CNTNAP3: variants seen among roughly 807,000 people sequenced by gnomAD.
CNTNAP3 encodes the protein contactin-associated protein-like 3.
Under a neutral mutation model 92.1 loss-of-function variants are expected in CNTNAP3, and 36 were observed. That is an observed-to-expected ratio of 0.39 (90% CI 0.30 to 0.52). The LOEUF is 0.52. Among genes scored for constraint, CNTNAP3 ranks in the 20% least tolerant of loss-of-function variants. The pLI is 0.76. For missense variants in CNTNAP3, 534 were observed against 1,069.6 expected (o/e 0.50, Z 6.98); for synonymous variants, 232 against 422.3 (o/e 0.55, Z 5.53).
At chr9:39,106,913 T>C (rs1436348905) in intron 15 of CNTNAP3, among the ~76,000 whole-genome samples, 1 of 152,102 alleles carries the variant, frequency 6.6e-6, no homozygotes, top group Non-Finnish European at 1.5e-5. Flanking sequence ...TTCTTGAAGA[T>C]AAAACGGCAC....
intron 13 of CNTNAP3, among the ~76,000 whole-genome samples, chr9:39,119,211 A>C (rs886669557): frequency 6.6e-6 from 1 of 152,178 alleles, no homozygotes; most frequent in African/African-American, 2.4e-5. Context: ...TTCAAATTTC[A>C]ATAGGTTGTT....
chr9:39,113,690 G>A (rs1020948627), intron 14 of CNTNAP3, among the ~76,000 whole-genome samples: 1 of 151,814 alleles, frequency 6.6e-6, no homozygotes. Flanking sequence ...TTACAGTTAA[G>A]AATATAGTTT....
rs1987942534 is a variant in CNTNAP3 at position 39,067,651 on chromosome 9, C to T, written c.*6239G>A. The stretch of plus-strand genomic sequence containing the variant: ...GACCTCGTGATCTGCCTGCCTCGAC[C>T]TCCCAAAGTGCTGGGATTACAGGCA... On this transcript the variant is annotated 3_prime_UTR_variant, in exon 24 of 24. Transcript: ENST00000297668. Among the ~76,000 whole-genome samples the T allele has an allele frequency of 6.6e-6, 1 of 152,310 alleles. No homozygotes were observed. The highest frequency in any genetic ancestry group is 2.1e-4 in the South Asian group (1 of 4,838).
intron 18 of CNTNAP3, among the ~76,000 whole-genome samples, chr9:39,094,429 C>A (rs1315926189): frequency 1.3e-5 from 2 of 151,662 alleles, no homozygotes; most frequent in Admixed American, 6.6e-5. Flanking sequence ...TTTTAAAAAA[C>A]CACTGCCAAA....
At chr9:39,117,454 A>G (rs1166338669) in intron 14 of CNTNAP3, among the ~76,000 whole-genome samples, 1 of 152,178 alleles carries the variant, frequency 6.6e-6, no homozygotes, top group Non-Finnish European at 1.5e-5. Flanking sequence ...AGAACTTCTG[A>G]AAAAAAGGCA....
intron 10 of CNTNAP3, among the ~76,000 whole-genome samples, chr9:39,149,494 T>C (rs1821787719): frequency 1.3e-5 from 2 of 150,752 alleles, no homozygotes; most frequent in South Asian, 2.1e-4. Flanking sequence ...GGACTACAGG[T>C]GGCCGCCACC....
intron 11 of CNTNAP3, among the ~76,000 whole-genome samples, chr9:39,143,924 T>C (rs1821636506): frequency 6.6e-6 from 1 of 152,206 alleles, no homozygotes; most frequent in Non-Finnish European, 1.5e-5. Context: ...ACTCAAGTAA[T>C]GGAACAAGCT....
chr9:39,127,709 A>G (rs182783585), intron 13 of CNTNAP3, among the ~76,000 whole-genome samples: 149 of 152,308 alleles, frequency 9.8e-4, no homozygotes, highest in African/African-American at 3.5e-3. Flanking sequence ...ACCACAATTC[A>G]CCTAACATTA....
Position 39,068,173 on chromosome 9 carries a change from G to A in CNTNAP3, c.*5717C>T, listed in dbSNP as rs1332070576. Among the ~76,000 whole-genome samples, 32 of 152,082 alleles carry A rather than the reference G, an allele frequency of 2.1e-4. No homozygotes were observed. The highest frequency in any genetic ancestry group is 4.1e-4 in the Non-Finnish European group (28 of 67,926). On this transcript the variant is annotated 3_prime_UTR_variant, in exon 24 of 24. Coordinates refer to ENST00000297668, the MANE Select transcript of CNTNAP3 (RefSeq NM_033655.5). ...CCAGCGCTTTAGGAGGCTGAGGTGGGCAGATCATGAGATCCAGAGATCGAG... is the reference window on the plus strand; with the variant it reads ...CCAGCGCTTTAGGAGGCTGAGGTGGACAGATCATGAGATCCAGAGATCGAG...
chr9:39,142,964 T>G (rs1158438757), intron 11 of CNTNAP3, among the ~76,000 whole-genome samples: 1 of 152,008 alleles, frequency 6.6e-6, no homozygotes, highest in African/African-American at 2.4e-5. Flanking sequence ...CAAGTGGAAC[T>G]GAGGACTTTG....
chr9:39,075,149 CA>C (rs1375767817), intron 23 of CNTNAP3, among the ~76,000 whole-genome samples: 1 of 151,728 alleles, frequency 6.6e-6, no homozygotes, highest in Non-Finnish European at 1.5e-5. Flanking sequence ...CATATTTATT[CA>C]TTTTTTTTTT....
intron 23 of CNTNAP3, among the ~76,000 whole-genome samples, chr9:39,076,938 C>G (rs995425381): frequency 2.6e-5 from 4 of 152,072 alleles, no homozygotes; most frequent in African/African-American, 9.7e-5. Flanking sequence ...GCCTTTGCGA[C>G]GAGCGAGACT....
chr9:39,094,216 T>C (rs1826277779), intron 18 of CNTNAP3, among the ~76,000 whole-genome samples: 1 of 151,580 alleles, frequency 6.6e-6, no homozygotes, highest in Non-Finnish European at 1.5e-5. Context: ...ATTAGACTTT[T>C]TGTTGTTAAG....
intron 18 of CNTNAP3, among the ~76,000 whole-genome samples, chr9:39,098,807 T>G (rs1359117678): frequency 1.3e-5 from 2 of 152,148 alleles, no homozygotes; most frequent in East Asian, 3.9e-4. Context: ...TAAAGCCTGT[T>G]TTGCTGCTAA....
At position 39,067,688 on chromosome 9, in the gene CNTNAP3, G is replaced by A. The variant is rs1422094543; in HGVS notation, c.*6202C>T. Among the ~76,000 whole-genome samples, 2 of 152,430 alleles carry A rather than the reference G, an allele frequency of 1.3e-5. No individual in the cohort carries two copies. The highest frequency in any genetic ancestry group is 1.9e-4 in the East Asian group (1 of 5,196). On this transcript the variant is annotated 3_prime_UTR_variant, in exon 24 of 24. Transcript: ENST00000297668. ...TGGGATTACAGGCATGAGCCACTGT[G>A]CCCGGCCTGGTGTTGGATAGTTTTA...
intron 14 of CNTNAP3, among the ~76,000 whole-genome samples, chr9:39,114,081 CTTTTT>C (rs963951891): frequency 1.4e-4 from 18 of 130,302 alleles, no homozygotes; most frequent in Non-Finnish European, 2.6e-4. Flanking sequence ...CACACACATA[CTTTTT>C]TTTTTTTTTT....
At chr9:39,136,023 G>A in intron 12 of CNTNAP3, among the ~76,000 whole-genome samples, 1 of 151,844 alleles carries the variant, frequency 6.6e-6, no homozygotes. Context: ...CAGCTACCGG[G>A]GAGGCCGAGG....
chr9:39,075,091 T>C (rs959796927), intron 23 of CNTNAP3, among the ~76,000 whole-genome samples: 1 of 152,274 alleles, frequency 6.6e-6, no homozygotes, highest in Non-Finnish European at 1.5e-5. Flanking sequence ...TCAAACGCAG[T>C]AGTGTCTTAT....
chr9:39,154,151 T>C, intron 9 of CNTNAP3: 1 of 263,376 alleles, frequency 3.8e-6, no homozygotes, highest in Non-Finnish European at 7.2e-6. Context: ...ATCAAACTTC[T>C]GCAGTCTCAG....
Sources: gnomAD v4.1 joint callset for allele counts (sites outside exome capture counted in the v4.1 genomes callset) on GRCh38, gnomAD v4.1.1 for gene constraint, MANE v1.5 for transcripts, NCBI Gene and HGNC (gene_info 2026-07-23, HGNC 2026-07-21) for gene names.